Variants in DPY19L1 observed in about 807,000 individuals in gnomAD.
DPY19L1 encodes the protein dpy-19 like C-mannosyltransferase 1, also known as protein C-mannosyl-transferase DPY19L1.
DPY19L1 carries 35 observed loss-of-function variants against 96.9 expected under a neutral mutation model. The observed-to-expected ratio is 0.36, with a 90% CI of 0.28 to 0.48. The LOEUF (loss-of-function observed/expected upper bound fraction) is 0.48, where lower values mean the gene tolerates loss of function less well. Ranked by LOEUF, DPY19L1 falls within the 20% of genes least tolerant of loss-of-function variation. DPY19L1 has a pLI of 0.99. For missense variants in DPY19L1, 521 were observed against 777.9 expected (o/e 0.67, Z 3.93); for synonymous variants, 205 against 252.6 (o/e 0.81, Z 1.79).
intron 6 of DPY19L1, among the ~76,000 whole-genome samples, chr7:35,009,009 TTTTAATCATGCATTTTTA>T: frequency 6.6e-6 from 1 of 152,368 alleles, no homozygotes; most frequent in South Asian, 2.1e-4. Context: ...CACAATCATC[TTTTAATCATGCATTTTTA>T]TTTTAGTCTC....
At position 34,940,305 on chromosome 7, in the gene DPY19L1, T is replaced by C. The variant is rs776936761; in HGVS notation, c.1712A>G (p.Lys571Arg). ...AAACACAATAGCACCAGGATGTACTTTGCAAAAGAGCCATCCAAATAGCTG... is the reference window on the plus strand; with the variant it reads ...AAACACAATAGCACCAGGATGTACTCTGCAAAAGAGCCATCCAAATAGCTG... The part of the protein sequence containing the change: ...SRQLFGWLFC[K>R]VHPGAIVFAI... The change falls in exon 19 of 22, where the codon AAA (lysine) becomes AGA (arginine). Residue 571 changes from lysine (K) to arginine (R), a missense_variant. Coordinates refer to ENST00000638088, the MANE Select transcript of DPY19L1 (RefSeq NM_001366673.1). 72 of 1,608,494 alleles carry C rather than the reference T, an allele frequency of 4.5e-5. No homozygotes were observed. Among genetic ancestry groups the C allele is most frequent in the Non-Finnish European group, 6.1e-5 (72 of 1,178,994 alleles).
At chr7:34,994,861 A>G (rs1321008182) in intron 6 of DPY19L1, among the ~76,000 whole-genome samples, 1 of 152,044 alleles carries the variant, frequency 6.6e-6, no homozygotes, top group Non-Finnish European at 1.5e-5. Context: ...TTGCCTAAGA[A>G]GTCGCATACC....
At chr7:34,992,187 G>A (rs532328653) in intron 6 of DPY19L1, among the ~76,000 whole-genome samples, 2 of 152,228 alleles carry the variant, frequency 1.3e-5, no homozygotes, top group Admixed American at 1.3e-4. Flanking sequence ...TTAGATAGGT[G>A]AAAACCCTTT....
At chr7:35,003,766 G>A (rs1584249649) in intron 6 of DPY19L1, among the ~76,000 whole-genome samples, 1 of 152,344 alleles carries the variant, frequency 6.6e-6, no homozygotes, top group East Asian at 1.9e-4. Flanking sequence ...GCAAGGCTTT[G>A]CCTGACAGGC....
At chr7:34,966,521 G>A (rs1163148133) in intron 10 of DPY19L1, among the ~76,000 whole-genome samples, 3 of 152,046 alleles carry the variant, frequency 2.0e-5, no homozygotes, top group Non-Finnish European at 2.9e-5. Flanking sequence ...CAAACTCCTG[G>A]CGTCAAGTGA....
chr7:34,929,464 A>G lies in DPY19L1; in HGVS notation c.*2109T>C, dbSNP rs1454688782. 2 of 152,264 alleles carry G rather than the reference A, an allele frequency of 1.3e-5. No individual in the cohort carries two copies. Among genetic ancestry groups the G allele is most frequent in the Admixed American group, 6.5e-5 (1 of 15,286 alleles). 9.4% of individuals were successfully genotyped at this position (152,264 alleles called of 1,614,324 possible). A position where few individuals can be genotyped will look rare whatever the true frequency, so the allele number is the denominator to read the frequency against. ...ACTTTTAATGGTTCCCAGCAAATGA[A>G]GCAGTTATAATAGTATTTTTAATGC... On this transcript the variant is annotated 3_prime_UTR_variant, in exon 22 of 22. Transcript: ENST00000638088.
chr7:34,964,997 A>G (rs749763760), intron 10 of DPY19L1, among the ~76,000 whole-genome samples: 26 of 152,228 alleles, frequency 1.7e-4, no homozygotes, highest in African/African-American at 4.1e-4. Flanking sequence ...AACCAGATTG[A>G]TAAAATAAAA....
chr7:35,026,088 T>A (rs1005557552), intron 1 of DPY19L1, among the ~76,000 whole-genome samples: 15 of 152,210 alleles, frequency 9.9e-5, no homozygotes, highest in African/African-American at 3.6e-4. Flanking sequence ...ATTTTTTTTT[T>A]ATATATTCAT....
rs115049621 is a variant in DPY19L1 at position 35,005,735 on chromosome 7, C to T, written c.764+4733G>A. 6.4e-3 allele frequency among the ~76,000 whole-genome samples: 963 copies of T among 151,274 alleles called. 8 individuals carry two copies. The highest frequency in any genetic ancestry group is 0.022 in the African/African-American group (915 of 41,126). On this transcript the variant is annotated intron_variant, in intron 6 of 21. Transcript: ENST00000638088. ...GGCTGAGACGAGAATTGCTTGAACC[C>T]GGGAGGTGGAAAATGCAGTGAGCTG...
intron 1 of DPY19L1, among the ~76,000 whole-genome samples, chr7:35,028,000 C>T (rs1394673082): frequency 1.3e-5 from 2 of 152,154 alleles, no homozygotes; most frequent in African/African-American, 4.8e-5. Context: ...ACTGTGCTTT[C>T]CAACAGTTAA....
rs569405696 is a variant in DPY19L1 at position 34,957,221 on chromosome 7, A to G, written c.1179+763T>C. 4.3e-4 allele frequency among the ~76,000 whole-genome samples: 65 copies of G among 152,210 alleles called. 1 individual carries two copies. The South Asian group carries it at 0.013, about 31-fold the overall frequency. On this transcript the variant is annotated intron_variant, in intron 11 of 21. Coordinates refer to ENST00000638088, the MANE Select transcript of DPY19L1 (RefSeq NM_001366673.1). ...AACATGGAGAAACCCCGTCTCTACT[A>G]AAAATACAAAACTAGCCGGGCATGG...
At chr7:34,968,964 A>G (rs1407829178) in intron 9 of DPY19L1, among the ~76,000 whole-genome samples, 2 of 152,038 alleles carry the variant, frequency 1.3e-5, no homozygotes, top group Admixed American at 1.3e-4. Flanking sequence ...TGGTAGAGAG[A>G]ATTTTATAAG....
intron 21 of DPY19L1, among the ~76,000 whole-genome samples, chr7:34,937,735 A>G (rs1337310408): frequency 2.0e-5 from 3 of 152,264 alleles, no homozygotes; most frequent in Non-Finnish European, 1.5e-5. Flanking sequence ...GGAGTTTGAG[A>G]CCAGCCTGGT....
intron 6 of DPY19L1, among the ~76,000 whole-genome samples, chr7:34,997,078 A>C (rs1201330825): frequency 1.3e-5 from 2 of 152,204 alleles, no homozygotes; most frequent in African/African-American, 2.4e-5. Context: ...CTTAGAGGTC[A>C]GGCTGGGCAT....
At position 34,957,875 on chromosome 7, in the gene DPY19L1, A is replaced by C. The variant is rs1389292492; in HGVS notation, c.1179+109T>G. The C allele has an allele frequency of 4.5e-6, 3 of 673,096 alleles. No homozygotes were observed. In the African/African-American group the frequency reaches 5.7e-5, roughly 13 times the overall value. 41.7% of individuals were successfully genotyped at this position (673,096 alleles called of 1,614,324 possible). ...ATACATCTAGAATATTCAGTAAGAC[A>C]CTTAAGATGGTTCCTACAGAAAACC... On this transcript the variant is annotated intron_variant, in intron 11 of 21. Transcript: ENST00000638088.
intron 1 of DPY19L1, 72 bp downstream of exon 1, chr7:35,037,025 G>A (rs1786427242): frequency 6.1e-6 from 1 of 165,204 alleles, no homozygotes; most frequent in Non-Finnish European, 1.3e-5. Context: ...AGGAAGGGGA[G>A]GGGAGGGGAG....
At chr7:35,025,680 T>G (rs112007464) in intron 1 of DPY19L1, among the ~76,000 whole-genome samples, 1 of 152,188 alleles carries the variant, frequency 6.6e-6, no homozygotes, top group African/African-American at 2.4e-5. Flanking sequence ...TGTCTAATAT[T>G]TACTGAAGGT....
chr7:34,932,974 T>C (rs1407264356), intron 21 of DPY19L1, among the ~76,000 whole-genome samples: 1 of 152,190 alleles, frequency 6.6e-6, no homozygotes, highest in Non-Finnish European at 1.5e-5. Context: ...TACATCATTT[T>C]CCCTTTTTAA....
chr7:34,957,401 C>G (rs1252315155), intron 11 of DPY19L1, among the ~76,000 whole-genome samples: 1 of 151,328 alleles, frequency 6.6e-6, no homozygotes, highest in African/African-American at 2.4e-5. Context: ...AACAAACAAA[C>G]AAAAAAACAA....
Sources: gnomAD v4.1 joint callset for allele counts (sites outside exome capture counted in the v4.1 genomes callset) on GRCh38, gnomAD v4.1.1 for gene constraint, MANE v1.5 for transcripts, NCBI Gene and HGNC (gene_info 2026-07-23, HGNC 2026-07-21) for gene names.